Variants in CTDSPL2 observed in about 807,000 individuals in gnomAD.
The protein encoded by CTDSPL2 is CTD small phosphatase like 2.
Under a neutral mutation model 60.0 loss-of-function variants are expected in CTDSPL2, and 5 were observed. That is an observed-to-expected ratio of 0.08 (90% confidence interval 0.04 to 0.18). The LOEUF is 0.18. CTDSPL2 is among the 10% of genes least tolerant of loss of function. CTDSPL2 has a pLI of 1.00. For missense variants in CTDSPL2, 370 were observed against 548.8 expected (o/e 0.67, Z 3.26); for synonymous variants, 186 against 189.3 (o/e 0.98, Z 0.14).
chr15:44,495,961 G>A (rs2081292752), intron 5 of CTDSPL2, among the ~76,000 whole-genome samples: 1 of 152,064 alleles, frequency 6.6e-6, no homozygotes, highest in Admixed American at 6.5e-5. Flanking sequence ...ACCTACATTT[G>A]GGTCTGTTGT....
chr15:44,514,148 A>G (rs1169195259), intron 8 of CTDSPL2, among the ~76,000 whole-genome samples: 1 of 152,202 alleles, frequency 6.6e-6, no homozygotes, highest in African/African-American at 2.4e-5. Flanking sequence ...TTTAAAATAG[A>G]GATATTTTTA....
intron 12 of CTDSPL2, among the ~76,000 whole-genome samples, chr15:44,522,545 G>T (rs970117845): frequency 2.0e-5 from 3 of 152,104 alleles, no homozygotes; most frequent in African/African-American, 7.2e-5. Context: ...TTGAGGTCAG[G>T]AGGTCGAGAC....
At chr15:44,473,151 TTTC>T (rs1194090786) in intron 2 of CTDSPL2, among the ~76,000 whole-genome samples, 24 of 152,086 alleles carry the variant, frequency 1.6e-4, no homozygotes, top group Non-Finnish European at 8.8e-5. Flanking sequence ...ATGCAAATAT[TTTC>T]TTCTATGCTG....
chr15:44,463,869 A>G (rs1359648987), intron 2 of CTDSPL2, among the ~76,000 whole-genome samples: 2 of 152,194 alleles, frequency 1.3e-5, no homozygotes, highest in Admixed American at 1.3e-4. Context: ...AATATTAACC[A>G]TCTTTTGATG....
chr15:44,457,003 G>C (rs944502879), intron 1 of CTDSPL2, among the ~76,000 whole-genome samples: 7 of 151,698 alleles, frequency 4.6e-5, no homozygotes, highest in African/African-American at 1.7e-4. Flanking sequence ...CAGCCTCCCA[G>C]GTAGCTGGGA....
intron 8 of CTDSPL2, among the ~76,000 whole-genome samples, chr15:44,512,577 T>C (rs2081584593): frequency 6.6e-6 from 1 of 152,184 alleles, no homozygotes; most frequent in African/African-American, 2.4e-5. Flanking sequence ...TAAAAATCTG[T>C]TGTTGTTTGG....
At chr15:44,443,361 A>G (rs908409918) in intron 1 of CTDSPL2, among the ~76,000 whole-genome samples, 5 of 152,204 alleles carry the variant, frequency 3.3e-5, no homozygotes, top group African/African-American at 1.2e-4. Context: ...AAATGCTGCT[A>G]TGAATATGGA....
At chr15:44,505,476 C>G (rs10467977) in intron 8 of CTDSPL2, among the ~76,000 whole-genome samples, 15,064 of 151,740 alleles carry the variant, frequency 0.099, 1,542 homozygotes, top group African/African-American at 0.24. Flanking sequence ...GCTCACACCT[C>G]TAATCCCAGC....
In CTDSPL2 at chr15:44,525,662, T is replaced by C. The variant is rs2081860530; in HGVS notation, c.*1488T>C. On this transcript the variant is annotated 3_prime_UTR_variant, in exon 13 of 13. Coordinates refer to ENST00000260327, the MANE Select transcript of CTDSPL2 (RefSeq NM_016396.3). Reference sequence around the variant, plus strand: ...ATTAATTTTTTATGTATATTACCTGTTTACTTGTACAACTTACTGTACAAA... The same window carrying C: ...ATTAATTTTTTATGTATATTACCTGCTTACTTGTACAACTTACTGTACAAA... The C allele has an allele frequency of 2.5e-6, 1 of 393,976 alleles. No individual in the cohort carries two copies. Among genetic ancestry groups the C allele is most frequent in the Non-Finnish European group, 4.5e-6 (1 of 223,240 alleles). 24.4% of individuals were successfully genotyped at this position (393,976 alleles called of 1,614,324 possible).
Position 44,526,237 on chromosome 15 carries a change from T to C in CTDSPL2, c.*2063T>C, listed in dbSNP as rs1289192219. 1 of 152,104 alleles carries C rather than the reference T, an allele frequency of 6.6e-6. No individual in the cohort carries two copies. Among genetic ancestry groups the C allele is most frequent in the Non-Finnish European group, 1.5e-5 (1 of 67,982 alleles). 9.4% of individuals were successfully genotyped at this position (152,104 alleles called of 1,614,324 possible). A position where few individuals can be genotyped will look rare whatever the true frequency, so the allele number is the denominator to read the frequency against. On this transcript the variant is annotated 3_prime_UTR_variant, in exon 13 of 13. Coordinates refer to ENST00000260327, the MANE Select transcript of CTDSPL2 (RefSeq NM_016396.3). Reference sequence around the variant, plus strand: ...TTACATTTCTCCCTGCTCCCTTCCTTTTTATGCTCAAACAGCGAAACCCAA... The same window carrying C: ...TTACATTTCTCCCTGCTCCCTTCCTCTTTATGCTCAAACAGCGAAACCCAA...
At chr15:44,465,712 CTTTTTTT>C (rs772862374) in intron 2 of CTDSPL2, among the ~76,000 whole-genome samples, 32 of 128,040 alleles carry the variant, frequency 2.5e-4, no homozygotes, top group African/African-American at 7.5e-4. Flanking sequence ...TCCTCCTCCT[CTTTTTTT>C]TTTTTTTTTT....
At chr15:44,446,623 C>T (rs2141302458) in intron 1 of CTDSPL2, among the ~76,000 whole-genome samples, 1 of 149,930 alleles carries the variant, frequency 6.7e-6, no homozygotes, top group South Asian at 2.1e-4. Flanking sequence ...GAGCAAGGCT[C>T]TATCTCAAAC....
intron 2 of CTDSPL2, among the ~76,000 whole-genome samples, chr15:44,469,784 TTA>T (rs2080767408): frequency 6.6e-6 from 1 of 152,076 alleles, no homozygotes; most frequent in African/African-American, 2.4e-5. Context: ...GAAAGCAAGT[TTA>T]TTAAAGAAGT....
In CTDSPL2 at chr15:44,509,840, C is replaced by T. The variant is rs554180752; in HGVS notation, c.970-4758C>T. On this transcript the variant is annotated intron_variant, in intron 8 of 12. Transcript: ENST00000260327. ...ACTTGGGAGGCTGAGGCAGGAGAAT[C>T]GCTTAAACCTGGGAGACGGAGGTTG... Among the ~76,000 whole-genome samples the T allele has an allele frequency of 2.1e-4, 32 of 151,714 alleles. No individual in the cohort carries two copies. The East Asian group carries it at 5.1e-3, about 24-fold the overall frequency.
At chr15:44,491,868 C>G (rs1307406233) in intron 5 of CTDSPL2, among the ~76,000 whole-genome samples, 2 of 151,978 alleles carry the variant, frequency 1.3e-5, no homozygotes, top group Non-Finnish European at 2.9e-5. Context: ...GCAAAAGAGC[C>G]AGACCCTGTC....
At chr15:44,520,963 C>A in intron 11 of CTDSPL2, 1 of 154,914 alleles carries the variant, frequency 6.5e-6, no homozygotes, top group Non-Finnish European at 1.4e-5. Flanking sequence ...TCCCATCATT[C>A]ACAGTGCCTA....
In CTDSPL2 at chr15:44,486,619, T is replaced by G. The variant is rs762155826; in HGVS notation, c.394T>G (p.Ser132Ala). The change falls in exon 4 of 13, where the codon TCT (serine) becomes GCT (alanine). Residue 132 changes from serine to alanine, a missense_variant. Ser to Ala is a moderately conservative substitution (Grantham distance 99). Around this residue, in one of 6 missense-constraint regions of CTDSPL2, gnomAD observed 287 missense variants for 296.1 expected, o/e 0.97. Coordinates refer to ENST00000260327, the MANE Select transcript of CTDSPL2 (RefSeq NM_016396.3). ...QNGKLEDNPS[S>A]GSPPRTTLLG... ...TGGAAAATTAGAAGATAATCCTTCC[T>G]CTGGCAGTCCTCCAAGGACTACTTT... 1.3e-5 allele frequency: 20 copies of G among 1,594,998 alleles called. No individual in the cohort carries two copies. The South Asian group carries it at 2.3e-4, about 19-fold the overall frequency.
intron 11 of CTDSPL2, chr15:44,520,777 C>T (rs1363760652): frequency 6.6e-6 from 1 of 152,042 alleles, no homozygotes; most frequent in African/African-American, 2.4e-5. Context: ...ATATGGCTTG[C>T]ATTCTTGTTT....
In CTDSPL2 at chr15:44,528,834, G is replaced by A. The variant is rs557933660; in HGVS notation, c.*4660G>A. 2.0e-5 allele frequency: 3 copies of A among 152,158 alleles called. No homozygotes were observed. In the South Asian group the frequency reaches 6.2e-4, roughly 32 times the overall value. 9.4% of individuals were successfully genotyped at this position (152,158 alleles called of 1,614,324 possible). ...TGTCCTTTTGGCATTAAGGTAGGGG[G>A]GAGTTAATATTCTCTCTGCCTTGTT... On this transcript the variant is annotated 3_prime_UTR_variant, in exon 13 of 13. Coordinates refer to ENST00000260327, the MANE Select transcript of CTDSPL2 (RefSeq NM_016396.3).
Sources: allele counts gnomAD v4.1 joint callset (sites outside exome capture counted in the v4.1 genomes callset), GRCh38; gene constraint gnomAD v4.1.1; regional missense constraint gnomAD v4.1.1; transcripts MANE v1.5; gene names NCBI Gene and HGNC (gene_info 2026-07-23, HGNC 2026-07-21).